Variants in BBS12 observed in about 807,000 individuals in gnomAD.
BBS12 encodes chaperonin-containing T-complex member BBS12.
A neutral mutation model predicts 5.6 loss-of-function variants in BBS12; 5 were observed. The observed-to-expected ratio is 0.89, with a 90% confidence interval of 0.46 to 1.86. The LOEUF (loss-of-function observed/expected upper bound fraction) is 1.86, where lower values mean the gene tolerates loss of function less well. Among genes scored for constraint, BBS12 ranks in the 40% most tolerant of loss-of-function variants. The pLI, the probability that BBS12 is intolerant of heterozygous loss-of-function variation, is 0.01. For synonymous variants in BBS12, 308 were observed against 306.8 expected (o/e 1.00, Z -0.04); for missense variants, 748 against 830.4 (o/e 0.90, Z 1.22).
In BBS12 at chr4:122,743,504, G is replaced by A. The variant is rs762994041; in HGVS notation, c.1612G>A (p.Gly538Arg). 3.7e-6 allele frequency: 6 copies of A among 1,614,104 alleles called. No individual in the cohort carries two copies. The South Asian group carries it at 6.6e-5, about 18-fold the overall frequency. ...YALKEEKVFL[G>R]GGAVEFLCLS... ...TCTAAAAGAGGAAAAGGTCTTCCTT[G>A]GAGGTGGTGCAGTTGAATTTTTGTG... is the stretch of plus-strand genomic sequence containing the variant. Residue 538 changes from glycine to arginine, a missense_variant, in exon 2 of 2, where the codon GGA becomes AGA. Physicochemically the swap from Gly to Arg is moderately radical, Grantham distance 125. Coordinates refer to ENST00000314218, the MANE Select transcript of BBS12 (RefSeq NM_152618.3).
chr4:122,717,467 A>C, the BBS12 span, among the ~76,000 whole-genome samples: 1 of 152,172 alleles, frequency 6.6e-6, no homozygotes, highest in African/African-American at 2.4e-5. Context: ...TTCCTTAAGA[A>C]TTACTTCACT....
chr4:122,716,311 A>T, the BBS12 span, among the ~76,000 whole-genome samples: 1 of 152,056 alleles, frequency 6.6e-6, no homozygotes, highest in Non-Finnish European at 1.5e-5. Context: ...TTCAAATCAC[A>T]CAGAAGTATA....
the BBS12 span, among the ~76,000 whole-genome samples, chr4:122,719,361 G>T: frequency 6.6e-6 from 1 of 152,090 alleles, no homozygotes; most frequent in African/African-American, 2.4e-5. Context: ...ATAAAAGCTG[G>T]CCACCTGAGC....
chr4:122,709,478 T>A, the BBS12 span, among the ~76,000 whole-genome samples: 296 of 152,284 alleles, frequency 1.9e-3, no homozygotes, highest in African/African-American at 6.3e-3. Flanking sequence ...TAATTCTCTG[T>A]CTCACTCTGA....
At chr4:122,705,966 C>T in the BBS12 span, among the ~76,000 whole-genome samples, 190 of 152,266 alleles carry the variant, frequency 1.2e-3, no homozygotes, top group African/African-American at 4.1e-3. Context: ...TTCCTCATTG[C>T]TTGGATTTCC....
the BBS12 span, among the ~76,000 whole-genome samples, chr4:122,713,505 A>G: frequency 6.6e-6 from 1 of 152,162 alleles, no homozygotes; most frequent in Non-Finnish European, 1.5e-5. Flanking sequence ...CTATCTCTAA[A>G]TAAATAAGTT....
chr4:122,727,650 T>C, the BBS12 span, among the ~76,000 whole-genome samples: 106 of 144,476 alleles, frequency 7.3e-4, 3 homozygotes, highest in South Asian at 0.018. Flanking sequence ...GCCTCCGGGG[T>C]TCAAAAATTC....
chr4:122,727,567 T>TTTTTTTTTTTTTTTTA, the BBS12 span, among the ~76,000 whole-genome samples: 1 of 102,566 alleles, frequency 9.7e-6, no homozygotes, highest in Admixed American at 1.0e-4. Flanking sequence ...TTTTTTTTTT[T>TTTTTTTTTTTTTTTTA]GAGATGGAGT....
the BBS12 span, among the ~76,000 whole-genome samples, chr4:122,719,888 T>G: frequency 2.0e-5 from 3 of 152,172 alleles, no homozygotes; most frequent in Non-Finnish European, 4.4e-5. Flanking sequence ...AGGACAAATC[T>G]GAAAGAGGAA....
At chr4:122,721,341 C>T in the BBS12 span, among the ~76,000 whole-genome samples, 44 of 152,102 alleles carry the variant, frequency 2.9e-4, no homozygotes, top group Admixed American at 5.9e-4. Flanking sequence ...ATGACAATAG[C>T]ACAGTAGATG....
the BBS12 span, among the ~76,000 whole-genome samples, chr4:122,719,208 T>TA: frequency 6.6e-6 from 1 of 152,106 alleles, no homozygotes; most frequent in South Asian, 2.1e-4. Context: ...TCTGTCTAGC[T>TA]AAAAAATTGT....
rs34296401 is a variant in BBS12, at chr4:122,742,954, G to A, written c.1062G>A (p.Val354=). Residue 354 remains valine, a synonymous_variant, in exon 2 of 2, where the codon GTG becomes GTA. Transcript: ENST00000314218. ...PVIKELQNQP[V]RIVLIEGDLT... is the part of the protein sequence containing the mutation. ...TCAAGGAATTGCAGAATCAGCCTGT[G>A]CGAATAGTTCTCATTGAGGGTGACC... The A allele has an allele frequency of 1.2e-6, 2 of 1,614,148 alleles. No individual in the cohort carries two copies. The highest frequency in any genetic ancestry group is 1.1e-5 in the South Asian group (1 of 91,076).
chr4:122,725,801 G>A, the BBS12 span, among the ~76,000 whole-genome samples: 1 of 151,524 alleles, frequency 6.6e-6, no homozygotes, highest in Non-Finnish European at 1.5e-5. Context: ...AGGAGGCTGA[G>A]GCAGGAGAAT....
rs1334899263 is a variant in BBS12 at position 122,743,110 on chromosome 4, G to T, written c.1218G>T (p.Gln406His). ...ATCACGTGTTACAGGTGTTAATCCA[G>T]TTCAAGGTGAACCTTGTCCTGGTAC... ...WANHVLQVLI[Q>H]FKVNLVLVQG... Residue 406 changes from glutamine to histidine, a missense_variant, in exon 2 of 2, where the codon CAG (glutamine) becomes CAT (histidine). Gln to His is a conservative substitution (Grantham distance 24, BLOSUM62 0). Transcript: ENST00000314218. 2 of 1,614,252 alleles carry T rather than the reference G, an allele frequency of 1.2e-6. No individual in the cohort carries two copies. The highest frequency in any genetic ancestry group is 3.3e-5 in the Admixed American group (2 of 60,028).
At chr4:122,717,041 T>A in the BBS12 span, among the ~76,000 whole-genome samples, 1 of 152,148 alleles carries the variant, frequency 6.6e-6, no homozygotes, top group Admixed American at 6.6e-5. Flanking sequence ...TGGAGTGGCC[T>A]CCATGCTCCA....
the BBS12 span, among the ~76,000 whole-genome samples, chr4:122,703,320 T>C: frequency 6.6e-6 from 1 of 150,984 alleles, no homozygotes; most frequent in Non-Finnish European, 1.5e-5. Context: ...TCTCTCTCTC[T>C]GCCTCGTAAT....
the BBS12 span, among the ~76,000 whole-genome samples, chr4:122,707,438 A>G: frequency 6.6e-6 from 1 of 152,214 alleles, no homozygotes; most frequent in African/African-American, 2.4e-5. Context: ...AAAAATGAAT[A>G]TAGATCTATA....
intron 1 of BBS12, among the ~76,000 whole-genome samples, chr4:122,737,520 A>T (rs183304997): frequency 6.6e-6 from 1 of 152,232 alleles, no homozygotes; most frequent in Non-Finnish European, 1.5e-5. Context: ...ATTACATAAT[A>T]CTTGTAAAAT....
At chr4:122,714,251 A>G in the BBS12 span, among the ~76,000 whole-genome samples, 1 of 152,206 alleles carries the variant, frequency 6.6e-6, no homozygotes, top group African/African-American at 2.4e-5. Flanking sequence ...AAGGGGCCTC[A>G]CCAGAACCCT....
Sources: gnomAD v4.1 joint callset for allele counts (sites outside exome capture counted in the v4.1 genomes callset) on GRCh38, gnomAD v4.1.1 for gene constraint, MANE v1.5 for transcripts, NCBI Gene and HGNC (gene_info 2026-07-23, HGNC 2026-07-21) for gene names.